AEBP2: variants seen among roughly 807,000 people sequenced by gnomAD.
AEBP2 encodes AE binding protein 2.
In AEBP2, 10 loss-of-function variants were observed where a neutral mutation model predicts 50.8. The observed-to-expected ratio is 0.20, with a 90% CI of 0.12 to 0.33. The LOEUF (loss-of-function observed/expected upper bound fraction) is 0.33. Ranked by LOEUF, AEBP2 falls within the 10% of genes least tolerant of loss-of-function variation. The pLI is 1.00. For synonymous variants in AEBP2, 296 were observed against 261.3 expected (o/e 1.13, Z -1.28); for missense variants, 570 against 688.0 (o/e 0.83, Z 1.92).
At chr12:19,456,238 A>G (rs1300983921) in intron 1 of AEBP2, 2 of 1,512,878 alleles carry the variant, frequency 1.3e-6, no homozygotes, top group African/African-American at 2.7e-5. Context: ...GGTATTAGGG[A>G]TAATATTCAT....
chr12:19,486,570 A>AAC (rs1948813277), intron 3 of AEBP2, among the ~76,000 whole-genome samples: 1 of 151,796 alleles, frequency 6.6e-6, no homozygotes, highest in African/African-American at 2.4e-5. Context: ...TTTTGTAGAG[A>AAC]GAGGGTTTTG....
At chr12:19,470,878 C>T (rs1410758518) in intron 2 of AEBP2, among the ~76,000 whole-genome samples, 1 of 152,062 alleles carries the variant, frequency 6.6e-6, no homozygotes, top group East Asian at 1.9e-4. Context: ...ATCCTTCTGT[C>T]AAAAAAGTTG....
At chr12:19,434,245 C>T (rs1310623582) in intron 1 of AEBP2, among the ~76,000 whole-genome samples, 1 of 150,326 alleles carries the variant, frequency 6.7e-6, no homozygotes, top group Non-Finnish European at 1.5e-5. Flanking sequence ...GTGCTCTTCA[C>T]TCACCACAAC....
intron 3 of AEBP2, among the ~76,000 whole-genome samples, chr12:19,473,629 C>T (rs1000595973): frequency 6.6e-5 from 10 of 152,134 alleles, no homozygotes; most frequent in African/African-American, 2.4e-4. Context: ...TGGTCTTGAA[C>T]TCTTGACCTC....
chr12:19,457,719 G>T, intron 1 of AEBP2: 1 of 931,924 alleles, frequency 1.1e-6, no homozygotes, highest in Non-Finnish European at 1.4e-6. Flanking sequence ...AGAAAAAAAA[G>T]CTAGTCAGAG....
chr12:19,460,536 T>A (rs974357617), intron 1 of AEBP2, among the ~76,000 whole-genome samples: 4 of 151,976 alleles, frequency 2.6e-5, no homozygotes, highest in African/African-American at 9.7e-5. Context: ...GTATTTTTAG[T>A]AGAGATGTGG....
chr12:19,415,183 G>A (rs1158403871), intron 1 of AEBP2, among the ~76,000 whole-genome samples: 2 of 150,106 alleles, frequency 1.3e-5, no homozygotes, highest in Non-Finnish European at 3.0e-5. Flanking sequence ...GCATGGTGGT[G>A]GGCACCTGTA....
intron 3 of AEBP2, among the ~76,000 whole-genome samples, chr12:19,481,205 A>T (rs1415101230): frequency 7.1e-6 from 1 of 140,098 alleles, no homozygotes; most frequent in Non-Finnish European, 1.5e-5. Context: ...GGTTCAAGTG[A>T]TTCTCTTGCC....
At chr12:19,484,250 A>ATTTTTTTTTTTTTTTTTTT (rs59403434) in intron 3 of AEBP2, among the ~76,000 whole-genome samples, 6 of 107,514 alleles carry the variant, frequency 5.6e-5, no homozygotes, top group Admixed American at 1.0e-4. Context: ...CGCCCAGCCA[A>ATTTTTTTTTTTTTTTTTTT]TTTTTTTTTT....
Position 19,519,938 on chromosome 12 carries a change from ATTTTAT to A in AEBP2, c.*1827_*1832del, listed in dbSNP as rs1264201383. ...TATCCATTTGATCTATAGCAATGTG[ATTTTAT>A]TTTTAAAAAGAAAAGCAGTGTGTTT... On this transcript the variant is annotated 3_prime_UTR_variant, in exon 8 of 8. Transcript: ENST00000266508. The A allele has an allele frequency of 6.6e-6, 1 of 152,402 alleles. No individual in the cohort carries two copies. Among genetic ancestry groups the A allele is most frequent in the East Asian group, 1.9e-4 (1 of 5,196 alleles). The allele number at this position is 152,402 out of a possible 1,614,324, so 9.4% of individuals were successfully genotyped here.
intron 5 of AEBP2, among the ~76,000 whole-genome samples, chr12:19,505,993 G>A (rs1055639245): frequency 6.6e-6 from 1 of 151,636 alleles, no homozygotes; most frequent in East Asian, 1.9e-4. Context: ...ATCTTGCTAT[G>A]TTGCCCAGGC....
intron 1 of AEBP2, chr12:19,418,784 A>G (rs2095743984): frequency 6.6e-6 from 1 of 152,078 alleles, no homozygotes. Context: ...GGTTTCTAGT[A>G]TTTGGCTCAT....
chr12:19,508,145 C>G (rs1185484521), intron 5 of AEBP2, among the ~76,000 whole-genome samples: 3 of 152,090 alleles, frequency 2.0e-5, no homozygotes, highest in Non-Finnish European at 4.4e-5. Flanking sequence ...TGTGTTTGGG[C>G]TTTTAAATTT....
At chr12:19,417,031 G>A (rs983612027) in intron 1 of AEBP2, among the ~76,000 whole-genome samples, 17 of 151,486 alleles carry the variant, frequency 1.1e-4, no homozygotes, top group Admixed American at 1.1e-3. Flanking sequence ...GCCACCATGC[G>A]TGACTAATTG....
At chr12:19,513,941 A>AT (rs1949276672) in intron 6 of AEBP2, among the ~76,000 whole-genome samples, 3 of 70,588 alleles carry the variant, frequency 4.3e-5, no homozygotes, top group Non-Finnish European at 6.3e-5. Context: ...GTTTTTATTT[A>AT]TTTCTTTTTT....
chr12:19,486,403 G>GT (rs1948810201), intron 3 of AEBP2, among the ~76,000 whole-genome samples: 4 of 150,628 alleles, frequency 2.7e-5, no homozygotes, highest in Admixed American at 2.6e-4. Flanking sequence ...TTTTTGTTTT[G>GT]TTTTTTGAGA....
intron 1 of AEBP2, among the ~76,000 whole-genome samples, chr12:19,454,107 T>C (rs1948217717): frequency 6.6e-6 from 1 of 152,082 alleles, no homozygotes; most frequent in Admixed American, 6.6e-5. Flanking sequence ...GCCAGGCTGA[T>C]CTCCAACTCC....
intron 4 of AEBP2, among the ~76,000 whole-genome samples, chr12:19,495,944 T>C (rs1259580156): frequency 2.0e-5 from 3 of 152,204 alleles, no homozygotes; most frequent in Non-Finnish European, 1.5e-5. Flanking sequence ...AACAGAAATT[T>C]AGCATTGCGA....
At chr12:19,485,454 C>A (rs1376878191) in intron 3 of AEBP2, among the ~76,000 whole-genome samples, 1 of 151,968 alleles carries the variant, frequency 6.6e-6, no homozygotes, top group Non-Finnish European at 1.5e-5. Context: ...ATGCTGTAAT[C>A]CCAGCACTTT....
Sources: allele counts gnomAD v4.1 joint callset (sites outside exome capture counted in the v4.1 genomes callset), GRCh38; gene constraint gnomAD v4.1.1; transcripts MANE v1.5; gene names NCBI Gene and HGNC (gene_info 2026-07-23, HGNC 2026-07-21).